RMST: variants seen among roughly 807,000 people sequenced by gnomAD.
RMST encodes rhabdomyosarcoma 2 associated transcript, also known as long intergenic non-protein coding RNA 54.
At chr12:97,513,016 C>T (rs1278880400) in intron 10 of RMST, among the ~76,000 whole-genome samples, 1 of 152,226 alleles carries the variant, frequency 6.6e-6, no homozygotes, top group East Asian at 1.9e-4. Flanking sequence ...TGGGGCCTGC[C>T]GGCCGGCCGC....
intron 11 of RMST, among the ~76,000 whole-genome samples, chr12:97,549,164 A>T (rs1021891041): frequency 1.3e-5 from 2 of 152,228 alleles, no homozygotes; most frequent in Non-Finnish European, 2.9e-5. Flanking sequence ...AGGTTCCATA[A>T]GAAGTTGAAA....
chr12:97,505,064 T>C (rs769102049), intron 10 of RMST, among the ~76,000 whole-genome samples: 8 of 152,252 alleles, frequency 5.3e-5, no homozygotes, highest in Admixed American at 5.2e-4. Context: ...AAGATTTTAA[T>C]TGAAAAATAT....
chr12:97,519,385 A>C (rs896037350), intron 10 of RMST, among the ~76,000 whole-genome samples: 1 of 152,194 alleles, frequency 6.6e-6, no homozygotes, highest in Non-Finnish European at 1.5e-5. Flanking sequence ...TTTCATTGCT[A>C]TCTCTTCAAA....
At chr12:97,530,210 T>C (rs1881502184) in intron 10 of RMST, among the ~76,000 whole-genome samples, 2 of 152,020 alleles carry the variant, frequency 1.3e-5, no homozygotes, top group Admixed American at 1.3e-4. Context: ...AAAGGAGCTG[T>C]GATCAATTTT....
At chr12:97,530,522 A>G (rs192721136) in intron 10 of RMST, 1 of 152,214 alleles carries the variant, frequency 6.6e-6, no homozygotes, top group East Asian at 1.9e-4. Context: ...AGCTCTCGGA[A>G]TCTAAATGTG....
chr12:97,551,141 G>A (rs1182714376), intron 11 of RMST, among the ~76,000 whole-genome samples: 1 of 141,074 alleles, frequency 7.1e-6, no homozygotes, highest in Non-Finnish European at 1.5e-5. Context: ...AATAGAAAAA[G>A]CATTAATGGC....
chr12:97,560,015 G>A (rs1884008790), intron 11 of RMST, among the ~76,000 whole-genome samples: 1 of 152,104 alleles, frequency 6.6e-6, no homozygotes, highest in African/African-American at 2.4e-5. Context: ...TTGGACATCA[G>A]AGAGCCACTT....
intron 10 of RMST, among the ~76,000 whole-genome samples, chr12:97,518,505 G>C (rs530148641): frequency 6.6e-6 from 1 of 152,078 alleles, no homozygotes; most frequent in African/African-American, 2.4e-5. Flanking sequence ...CATAATTTGT[G>C]ACCTTGTTCA....
At position 97,524,087 on chromosome 12, in the gene RMST, A is replaced by G. The variant is rs1348425700; in HGVS notation, n.1341-6568A>G. Reference sequence around the variant, plus strand: ...TGAGACTCTGTCTCAAAAAAAAAAAAAAAAAAAAAAAAAAAATCACATAAC... The same window carrying G: ...TGAGACTCTGTCTCAAAAAAAAAAAGAAAAAAAAAAAAAAAATCACATAAC... On this transcript the variant is annotated intron_variant and non_coding_transcript_variant, in intron 10 of 13. Transcript: ENST00000640149. Among the ~76,000 whole-genome samples, 19 of 146,872 alleles carry G rather than the reference A, an allele frequency of 1.3e-4. 3 individuals carry two copies. Among genetic ancestry groups the G allele is most frequent in the East Asian group, 3.9e-4 (2 of 5,066 alleles).
chr12:97,548,028 G>C lies in RMST; in HGVS notation n.1546-12509G>C, dbSNP rs1883060554. ...CTAATCTAGTAGTTCTACATTTTCT[G>C]TTCTTACATTTAAGTCTTTAACCTA... On this transcript the variant is annotated intron_variant and non_coding_transcript_variant, in intron 11 of 13. Transcript: ENST00000640149. Among the ~76,000 whole-genome samples, 4 of 151,994 alleles carry C rather than the reference G, an allele frequency of 2.6e-5. No homozygotes were observed. In the South Asian group the frequency reaches 8.3e-4, roughly 32 times the overall value.
intron 11 of RMST, among the ~76,000 whole-genome samples, chr12:97,555,324 TC>T (rs1883626135): frequency 6.6e-6 from 1 of 152,350 alleles, no homozygotes; most frequent in East Asian, 1.9e-4. Context: ...TGGATTTCCT[TC>T]TTTCACAAAG....
intron 8 of RMST, among the ~76,000 whole-genome samples, chr12:97,494,542 T>C (rs1319927484): frequency 6.6e-6 from 1 of 152,060 alleles, no homozygotes; most frequent in Non-Finnish European, 1.5e-5. Context: ...AGAGACCACA[T>C]CGCTATAAAT....
chr12:97,486,989 T>C (rs967377391), intron 5 of RMST, among the ~76,000 whole-genome samples: 1 of 152,180 alleles, frequency 6.6e-6, no homozygotes, highest in Non-Finnish European at 1.5e-5. Flanking sequence ...AGCAGGGAGA[T>C]GCGGAGCCTG....
intron 10 of RMST, among the ~76,000 whole-genome samples, chr12:97,496,365 T>C (rs1489811749): frequency 4.6e-5 from 7 of 152,082 alleles, no homozygotes; most frequent in Non-Finnish European, 8.8e-5. Flanking sequence ...GTTTTAATAA[T>C]AACTCCTGGG....
At chr12:97,544,521 A>G (rs144965756) in intron 11 of RMST, among the ~76,000 whole-genome samples, 15 of 152,176 alleles carry the variant, frequency 9.9e-5, no homozygotes, top group Non-Finnish European at 2.1e-4. Flanking sequence ...CTAAGTCTTC[A>G]GAAGAATGGC....
chr12:97,546,284 T>G (rs1269422490), intron 11 of RMST, among the ~76,000 whole-genome samples: 1 of 152,080 alleles, frequency 6.6e-6, no homozygotes, highest in Non-Finnish European at 1.5e-5. Flanking sequence ...CATCTATGTT[T>G]TAAATCAAGG....
At chr12:97,549,327 T>A (rs1451457982) in intron 11 of RMST, among the ~76,000 whole-genome samples, 1 of 152,242 alleles carries the variant, frequency 6.6e-6, no homozygotes, top group African/African-American at 2.4e-5. Context: ...TCTTTTCTTT[T>A]ATAGCCAAAA....
intron 10 of RMST, among the ~76,000 whole-genome samples, chr12:97,520,425 A>G (rs2136547675): frequency 6.6e-6 from 1 of 152,204 alleles, no homozygotes; most frequent in South Asian, 2.1e-4. Context: ...GGGCTCTTTG[A>G]TCTTAACTGT....
At chr12:97,505,223 G>A (rs537650645) in intron 10 of RMST, among the ~76,000 whole-genome samples, 32 of 152,296 alleles carry the variant, frequency 2.1e-4, no homozygotes, top group African/African-American at 6.0e-4. Context: ...TATATTAATA[G>A]TTAACTCACT....
Sources: allele counts gnomAD v4.1 joint callset (sites outside exome capture counted in the v4.1 genomes callset), GRCh38; gene constraint gnomAD v4.1.1; transcripts MANE v1.5; gene names NCBI Gene and HGNC (gene_info 2026-07-23, HGNC 2026-07-21).